The following MAP2K3 variants were observed in gnomAD, a reference collection of about 807,000 sequenced individuals.
MAP2K3 encodes dual specificity mitogen-activated protein kinase kinase 3.
Under a neutral mutation model 46.4 loss-of-function variants are expected in MAP2K3, and 30 were observed. The ratio of observed to expected loss-of-function variants is 0.65; its 90% CI spans 0.48 to 0.88. The LOEUF is 0.88. Among genes scored for constraint, MAP2K3 ranks in the 40% least tolerant of loss-of-function variants. MAP2K3 has a pLI of 0.00. For synonymous variants in MAP2K3, 189 were observed against 176.3 expected, an observed-to-expected ratio of 1.07 and a Z score of -0.57; for missense variants, 380 against 464.5, an observed-to-expected ratio of 0.82 and a Z score of 1.67.
intron 3 of MAP2K3, among the ~76,000 whole-genome samples, chr17:21,300,238 G>A (rs1052019166): frequency 4.6e-5 from 7 of 152,310 alleles, no homozygotes; most frequent in African/African-American, 7.2e-5. Context: ...GCTGAGTGGG[G>A]TCGGGAAAAG....
intron 6 of MAP2K3, 30 bp downstream of exon 6, chr17:21,302,289 T>A: frequency 2.6e-6 from 3 of 1,168,830 alleles, no homozygotes; most frequent in Non-Finnish European, 3.9e-6. Flanking sequence ...TGGCGGGGGG[T>A]CCTAGGTGCA....
chr17:21,295,715 T>C (rs1193496247), intron 1 of MAP2K3: 2 of 1,289,436 alleles, frequency 1.6e-6, no homozygotes, highest in East Asian at 5.5e-5. Context: ...CACCCAGGCC[T>C]GCGAGGAGCG....
Position 21,298,440 on chromosome 17 carries a change from G to A in MAP2K3, c.77G>A (p.Arg26Gln), listed in dbSNP as rs749070324. 2.8e-5 allele frequency: 45 copies of A among 1,614,264 alleles called. No homozygotes were observed. Among genetic ancestry groups the A allele is most frequent in the Middle Eastern group, 1.6e-4 (1 of 6,062 alleles). Residue 26 changes from arginine to glutamine, a missense_variant, in exon 2 of 12, where the codon CGG (arginine) becomes CAG (glutamine). This residue lies in a region of MAP2K3 where 294 missense variants were observed against 275.4 expected (regional missense o/e 1.07). Transcript: ENST00000342679. Reference sequence around the variant, plus strand: ...AAATCCAAGAGGAAGAAGGATCTACGGATATCCTGCATGTCCAAGCCACCC... The same window carrying A: ...AAATCCAAGAGGAAGAAGGATCTACAGATATCCTGCATGTCCAAGCCACCC... ...KGKSKRKKDL[R>Q]ISCMSKPPAP... is the part of the protein sequence containing the mutation.
intron 1 of MAP2K3, chr17:21,285,357 C>T: frequency 2.3e-6 from 2 of 878,570 alleles, no homozygotes; most frequent in South Asian, 1.0e-4. Flanking sequence ...CACCTGGGTC[C>T]TTGGGCAGCA....
At chr17:21,285,263 T>G (rs764441514) in intron 1 of MAP2K3, 342 of 985,216 alleles carry the variant, frequency 3.5e-4, no homozygotes, top group Non-Finnish European at 3.9e-4. Flanking sequence ...TCTGACCTCA[T>G]TTGGGCCTTA....
intron 1 of MAP2K3, 41 bp downstream of exon 1, chr17:21,285,010 TA>T (rs1365823369): frequency 6.3e-7 from 1 of 1,592,092 alleles, no homozygotes; most frequent in Non-Finnish European, 8.5e-7. Flanking sequence ...ACCCCGCGCC[TA>T]ATCTGGGGCC....
In MAP2K3 at chr17:21,284,722, G is replaced by C. The variant is rs1191817213; in HGVS notation, c.-199G>C. On this transcript the variant is annotated 5_prime_UTR_variant, in exon 1 of 12. Transcript: ENST00000342679. ...CCCCGGCGCTGCCCAGTCTGTCTCCGGCGCCGCCCGTCGCGGACTCGTCCT... is the reference window on the plus strand; with the variant it reads ...CCCCGGCGCTGCCCAGTCTGTCTCCCGCGCCGCCCGTCGCGGACTCGTCCT... 9.9e-6 allele frequency: 5 copies of C among 506,742 alleles called. No homozygotes were observed. The highest frequency in any genetic ancestry group is 4.5e-5 in the Admixed American group (1 of 22,434). The allele number at this position is 506,742 out of a possible 1,614,324, so 31.4% of individuals were successfully genotyped here.
Position 21,315,162 on chromosome 17 carries a change from C to T in MAP2K3, c.*932C>T, listed in dbSNP as rs1169614818. 2 of 151,890 alleles carry T rather than the reference C, an allele frequency of 1.3e-5. No individual in the cohort carries two copies. The highest frequency in any genetic ancestry group is 4.8e-5 in the African/African-American group (2 of 41,286). The allele number at this position is 151,890 out of a possible 1,614,324, so 9.4% of individuals were successfully genotyped here. ...TTTTTTGAAAAAACGACTGCCCATC[C>T]CGGGTCCTTTCCCTGATGGGTTGGG... On this transcript the variant is annotated 3_prime_UTR_variant, in exon 12 of 12. Coordinates refer to ENST00000342679, the MANE Select transcript of MAP2K3 (RefSeq NM_145109.3).
chr17:21,298,577 T>A, intron 2 of MAP2K3, 98 bp downstream of exon 2: 4 of 1,591,948 alleles, frequency 2.5e-6, no homozygotes, highest in Non-Finnish European at 3.4e-6. Context: ...AGCCCTGCTT[T>A]ACCTCGTCCT....
intron 10 of MAP2K3, among the ~76,000 whole-genome samples, chr17:21,312,535 A>T (rs1302425244): frequency 6.6e-6 from 1 of 152,218 alleles, no homozygotes; most frequent in African/African-American, 2.4e-5. Context: ...GTATATGGAA[A>T]ATTTGAACAC....
At chr17:21,304,297 C>A in intron 7 of MAP2K3, 129 bp from the exon 8 acceptor site, 1 of 1,535,118 alleles carries the variant, frequency 6.5e-7, no homozygotes, top group South Asian at 1.2e-5. Context: ...GTGCAACCTG[C>A]CCACTGGGGC....
intron 3 of MAP2K3, 123 bp from the exon 4 acceptor site, chr17:21,300,422 T>C (rs922094933): frequency 4.1e-6 from 4 of 980,904 alleles, no homozygotes; most frequent in Non-Finnish European, 6.3e-6. Context: ...GCGGTGGATA[T>C]GAGGTTTGAG....
At position 21,284,770 on chromosome 17, in the gene MAP2K3, C is replaced by CTCGCCGCAG; in HGVS notation, c.-143_-135dup. The CTCGCCGCAG allele has an allele frequency of 1.2e-6, 1 of 808,762 alleles. No individual in the cohort carries two copies. Among genetic ancestry groups the CTCGCCGCAG allele is most frequent in the Non-Finnish European group, 1.8e-6 (1 of 547,494 alleles). The allele number at this position is 808,762 out of a possible 1,614,324, so 50.1% of individuals were successfully genotyped here. Reference sequence around the variant, plus strand: ...CCTTGCTGCAGTCGCCGCCGCAGTCCTCGCCGCAGTCGCCGCCGCCGCCGC... The same window carrying CTCGCCGCAG: ...CCTTGCTGCAGTCGCCGCCGCAGTCCTCGCCGCAGTCGCCGCAGTCGCCGCCGCCGCCGC... On this transcript the variant is annotated 5_prime_UTR_variant, in exon 1 of 12. Coordinates refer to ENST00000342679, the MANE Select transcript of MAP2K3 (RefSeq NM_145109.3).
At chr17:21,304,161 G>A (rs1338664712) in intron 7 of MAP2K3, among the ~76,000 whole-genome samples, 5 of 152,426 alleles carry the variant, frequency 3.3e-5, no homozygotes, top group Non-Finnish European at 5.9e-5. Context: ...CTGGAGTCCT[G>A]CCTTCCTTGC....
At chr17:21,298,552 G>A (rs2144546928) in intron 2 of MAP2K3, 73 bp downstream of exon 2, 3 of 1,612,608 alleles carry the variant, frequency 1.9e-6, no homozygotes, top group South Asian at 2.2e-5. Flanking sequence ...GAAGGAGTGA[G>A]AGGCAGGTGG....
chr17:21,298,834 G>A (rs778393820), intron 2 of MAP2K3, 44 bp from the exon 3 acceptor site: 4 of 1,614,030 alleles, frequency 2.5e-6, no homozygotes, highest in African/African-American at 1.3e-5. Context: ...CTTGGGGAAG[G>A]GTGTGGTTCT....
chr17:21,303,692 C>G (rs1976731593), intron 7 of MAP2K3, among the ~76,000 whole-genome samples: 1 of 152,312 alleles, frequency 6.6e-6, no homozygotes, highest in South Asian at 2.1e-4. Flanking sequence ...GGAACATCAG[C>G]CTCGCTTGAT....
At chr17:21,310,937 G>A (rs375081589) in intron 9 of MAP2K3, among the ~76,000 whole-genome samples, 1 of 152,214 alleles carries the variant, frequency 6.6e-6, no homozygotes. Flanking sequence ...TCTCATGGCC[G>A]CTGGTCCTTC....
intron 1 of MAP2K3, among the ~76,000 whole-genome samples, chr17:21,294,978 C>T (rs1010672127): frequency 2.2e-4 from 33 of 152,420 alleles, no homozygotes; most frequent in Non-Finnish European, 3.8e-4. Flanking sequence ...AACTGCAGAA[C>T]GGCCACCTGT....
Sources: gnomAD v4.1 joint callset for allele counts (sites outside exome capture counted in the v4.1 genomes callset) on GRCh38, gnomAD v4.1.1 for gene constraint, gnomAD v4.1.1 regional missense constraint, MANE v1.5 for transcripts, NCBI Gene and HGNC (gene_info 2026-07-23, HGNC 2026-07-21) for gene names.